The following CHSY3 variants were observed in gnomAD, a reference collection of about 807,000 sequenced individuals.
The protein encoded by CHSY3 is N-acetylgalactosaminyl-proteoglycan 3-beta-glucuronosyltransferase 3.
In CHSY3, 35 loss-of-function variants were observed where a neutral mutation model predicts 67.2. The ratio of observed to expected loss-of-function variants is 0.52; its 90% CI spans 0.40 to 0.69. The LOEUF is 0.69. CHSY3 is among the 30% of genes least tolerant of loss of function. The probability of loss-of-function intolerance (pLI) is 0.00; values close to 1 mark genes in which losing one functional copy is unlikely to be tolerated. For missense variants in CHSY3, 1,069 were observed against 1,138.5 expected (o/e 0.94, Z 0.88); for synonymous variants, 474 against 434.7 (o/e 1.09, Z -1.12).
At chr5:130,091,480 A>G (rs1422738481) in intron 2 of CHSY3, among the ~76,000 whole-genome samples, 1 of 152,144 alleles carries the variant, frequency 6.6e-6, no homozygotes, top group Non-Finnish European at 1.5e-5. Context: ...CAAAACAGCT[A>G]TGGATAGCTT....
intron 2 of CHSY3, among the ~76,000 whole-genome samples, chr5:130,087,507 A>G (rs1766691961): frequency 1.3e-5 from 2 of 151,772 alleles, no homozygotes; most frequent in African/African-American, 4.8e-5. Flanking sequence ...CTGATAAGCA[A>G]CTTCAGCAAA....
intron 2 of CHSY3, 148 bp downstream of exon 2, chr5:129,908,508 G>A: frequency 7.8e-7 from 1 of 1,282,496 alleles, no homozygotes; most frequent in African/African-American, 1.5e-5. Context: ...AAGAGTGGGA[G>A]ATAACTTTCT....
At chr5:129,956,306 G>A (rs1180471050) in intron 2 of CHSY3, among the ~76,000 whole-genome samples, 14 of 151,956 alleles carry the variant, frequency 9.2e-5, no homozygotes, top group African/African-American at 1.5e-4. Context: ...CTAACAATCC[G>A]TGATGTTGAG....
intron 2 of CHSY3, among the ~76,000 whole-genome samples, chr5:129,927,690 A>T (rs2149586830): frequency 6.6e-6 from 1 of 152,208 alleles, no homozygotes; most frequent in African/African-American, 2.4e-5. Context: ...ATAAGTAATA[A>T]TACTGACAAT....
intron 2 of CHSY3, among the ~76,000 whole-genome samples, chr5:130,173,259 C>T (rs1769948132): frequency 6.6e-6 from 1 of 151,930 alleles, no homozygotes. Flanking sequence ...AGACAAGAGA[C>T]AAAATATTTT....
intron 2 of CHSY3, among the ~76,000 whole-genome samples, chr5:129,913,194 A>C (rs1422817581): frequency 6.6e-6 from 1 of 152,166 alleles, no homozygotes; most frequent in African/African-American, 2.4e-5. Flanking sequence ...CAGGCAATCT[A>C]CAGTTCCCTT....
In CHSY3 at chr5:130,036,433, G is replaced by A. The variant is rs73243535; in HGVS notation, c.1086+128073G>A. ...AATGCACAAAGATTGCTTTTGAAAT[G>A]TGTACTAATTTCAATGACATTGGGC... On this transcript the variant is annotated intron_variant, in intron 2 of 2. Transcript: ENST00000305031. 9.6e-3 allele frequency among the ~76,000 whole-genome samples: 1,455 copies of A among 152,234 alleles called. 22 individuals carry two copies. Among genetic ancestry groups the A allele is most frequent in the African/African-American group, 0.033 (1,383 of 41,554 alleles).
At chr5:130,002,977 C>T (rs535867122) in intron 2 of CHSY3, among the ~76,000 whole-genome samples, 8 of 152,036 alleles carry the variant, frequency 5.3e-5, no homozygotes, top group Non-Finnish European at 1.2e-4. Flanking sequence ...AAAACATTTC[C>T]TGTGTTCAGT....
intron 2 of CHSY3, among the ~76,000 whole-genome samples, chr5:129,997,371 T>C (rs1473743084): frequency 6.6e-6 from 1 of 152,162 alleles, no homozygotes; most frequent in East Asian, 1.9e-4. Context: ...TATGCAAGCA[T>C]ATAGTTTTTA....
At chr5:130,117,217 A>G (rs1311307283) in intron 2 of CHSY3, among the ~76,000 whole-genome samples, 1 of 152,180 alleles carries the variant, frequency 6.6e-6, no homozygotes, top group Non-Finnish European at 1.5e-5. Context: ...GGAGTGGGAA[A>G]GTGATGGTCT....
chr5:130,076,864 G>T (rs1242777165), intron 2 of CHSY3, among the ~76,000 whole-genome samples: 2 of 149,412 alleles, frequency 1.3e-5, no homozygotes, highest in Admixed American at 6.7e-5. Context: ...ACCAAACACC[G>T]CATATTCTCA....
chr5:130,123,902 A>C (rs954001412), intron 2 of CHSY3, among the ~76,000 whole-genome samples: 2 of 151,324 alleles, frequency 1.3e-5, no homozygotes, highest in African/African-American at 4.9e-5. Flanking sequence ...CTAAAAATAC[A>C]AAAAAAATTA....
intron 2 of CHSY3, among the ~76,000 whole-genome samples, chr5:130,177,625 A>G (rs768623217): frequency 6.6e-6 from 1 of 152,266 alleles, no homozygotes; most frequent in South Asian, 2.1e-4. Context: ...GTCTATAGAC[A>G]TGCTGCTTTT....
intron 2 of CHSY3, among the ~76,000 whole-genome samples, chr5:129,926,759 T>A (rs1269093858): frequency 1.3e-5 from 2 of 151,966 alleles, no homozygotes; most frequent in African/African-American, 4.8e-5. Flanking sequence ...ATGACATATT[T>A]TATAGTTTTG....
chr5:129,989,734 T>C (rs770363978), intron 2 of CHSY3, among the ~76,000 whole-genome samples: 2 of 152,214 alleles, frequency 1.3e-5, no homozygotes, highest in Non-Finnish European at 2.9e-5. Context: ...AACTTCTTGA[T>C]GCCTCAGGTT....
intron 2 of CHSY3, among the ~76,000 whole-genome samples, chr5:130,164,835 C>T (rs1284133136): frequency 6.6e-6 from 1 of 152,006 alleles, no homozygotes; most frequent in Non-Finnish European, 1.5e-5. Flanking sequence ...AAAAATGGCA[C>T]CTAGTACCAG....
chr5:129,931,603 G>T (rs1006891624), intron 2 of CHSY3, among the ~76,000 whole-genome samples: 1 of 152,146 alleles, frequency 6.6e-6, no homozygotes, highest in Admixed American at 6.5e-5. Flanking sequence ...AGATGTGTAG[G>T]TGATGTATAG....
chr5:130,051,179 G>A (rs1765341901), intron 2 of CHSY3, among the ~76,000 whole-genome samples: 1 of 152,088 alleles, frequency 6.6e-6, no homozygotes, highest in Non-Finnish European at 1.5e-5. Context: ...AGATGAGGAT[G>A]TGGTGGAGGT....
At chr5:130,038,463 T>C (rs1306739079) in intron 2 of CHSY3, among the ~76,000 whole-genome samples, 1 of 152,128 alleles carries the variant, frequency 6.6e-6, no homozygotes, top group Admixed American at 6.6e-5. Context: ...TTCTCTTACA[T>C]GTGATCCATG....
Sources: gnomAD v4.1 joint callset for allele counts (sites outside exome capture counted in the v4.1 genomes callset) on GRCh38, gnomAD v4.1.1 for gene constraint, MANE v1.5 for transcripts, NCBI Gene and HGNC (gene_info 2026-07-23, HGNC 2026-07-21) for gene names.